Variants in GRHPR observed in about 807,000 individuals in gnomAD.
GRHPR encodes glyoxylate and hydroxypyruvate reductase.
GRHPR carries 35 observed loss-of-function variants against 36.8 expected under a neutral mutation model. That is an observed-to-expected ratio of 0.95 (90% CI 0.73 to 1.26). The LOEUF (loss-of-function observed/expected upper bound fraction) is 1.26, where lower values mean the gene tolerates loss of function less well. Ranked by LOEUF, GRHPR falls within the 50% of genes most tolerant of loss-of-function variation. GRHPR has a pLI of 0.00. For missense variants in GRHPR, 380 were observed against 435.0 expected, an observed-to-expected ratio of 0.87 and a Z score of 1.12; for synonymous variants, 179 against 181.0, an observed-to-expected ratio of 0.99 and a Z score of 0.09.
At chr9:37,423,497 AG>A (rs973967019) in intron 1 of GRHPR, among the ~76,000 whole-genome samples, 14 of 151,466 alleles carry the variant, frequency 9.2e-5, no homozygotes, top group African/African-American at 2.9e-4. Context: ...TTTTTAAGAC[AG>A]GGTCTCACTC....
intron 8 of GRHPR, chr9:37,434,320 G>C (rs1052856009): frequency 2.1e-6 from 1 of 468,244 alleles, no homozygotes. Context: ...ACATTAACTG[G>C]AACTGCCTGT....
intron 7 of GRHPR, chr9:37,431,122 G>C (rs1299652448): frequency 4.6e-6 from 2 of 439,310 alleles, no homozygotes; most frequent in African/African-American, 4.1e-5. Context: ...GTCCCTAGGG[G>C]TGCCTTCAGG....
chr9:37,436,909 TGATATA>T lies in GRHPR; in HGVS notation c.*128_*133del, dbSNP rs1823695016. 9.8e-7 allele frequency: 1 copy of T among 1,016,818 alleles called. No homozygotes were observed. Among genetic ancestry groups the T allele is most frequent in the African/African-American group, 1.6e-5 (1 of 63,578 alleles). 63.0% of individuals were successfully genotyped at this position (1,016,818 alleles called of 1,614,324 possible). On this transcript the variant is annotated 3_prime_UTR_variant, in exon 9 of 9. Coordinates refer to ENST00000318158, the MANE Select transcript of GRHPR (RefSeq NM_012203.2). ...TGATTCTCTGAGGAAAGAGTGATTC[TGATATA>T]TGTACTTGTCACATTGGTGTTGGAC... is the stretch of plus-strand genomic sequence containing the variant.
At chr9:37,428,830 C>T in intron 5 of GRHPR, 1 of 613,988 alleles carries the variant, frequency 1.6e-6, no homozygotes, top group African/African-American at 1.8e-5. Flanking sequence ...ATTCCGGCTC[C>T]ATAAAGAACA....
At chr9:37,437,545 GA>G (rs1413088123), downstream of GRHPR, among the ~76,000 whole-genome samples, 2 of 152,296 alleles carry the variant, frequency 1.3e-5, no homozygotes, top group Non-Finnish European at 2.9e-5. Flanking sequence ...GAAGAAATGA[GA>G]ACTAGGTAAG....
rs952446452 is a variant in GRHPR, at chr9:37,436,647, T to C, written c.866-14T>C. 67 of 1,613,526 alleles carry C rather than the reference T, an allele frequency of 4.2e-5. No individual in the cohort carries two copies. The highest frequency in any genetic ancestry group is 5.1e-5 in the Non-Finnish European group (60 of 1,179,894). On this transcript the variant is annotated splice_polypyrimidine_tract_variant and intron_variant, in intron 8 of 8. Coordinates refer to ENST00000318158, the MANE Select transcript of GRHPR (RefSeq NM_012203.2). The stretch of plus-strand genomic sequence containing the variant: ...CCCTTCTTATCTCCCTCTCTCTCTC[T>C]CTCTCCTTTCCAGTGATTCTGCCCC...
rs373622439 is a variant in GRHPR, at chr9:37,432,086, G to C, written c.813G>C (p.Thr271=). 2 of 1,613,954 alleles carry C rather than the reference G, an allele frequency of 1.2e-6. No individual in the cohort carries two copies. The highest frequency in any genetic ancestry group is 3.3e-5 in the Admixed American group (2 of 60,020). ...GKIAAAGLDV[T]SPEPLPTNHP... Reference sequence around the variant, plus strand: ...TTGCAGCTGCTGGACTGGATGTGACGAGCCCAGAACCACTGCCTACAAACC... The same window carrying C: ...TTGCAGCTGCTGGACTGGATGTGACCAGCCCAGAACCACTGCCTACAAACC... Residue 271 remains threonine, a synonymous_variant, in exon 8 of 9, where the codon ACG becomes ACC. Transcript: ENST00000318158.
In GRHPR at chr9:37,424,191, G is replaced by A. The variant is rs1367227211; in HGVS notation, c.84-654G>A. Among the ~76,000 whole-genome samples the A allele has an allele frequency of 4.6e-5, 7 of 152,346 alleles. No homozygotes were observed. The South Asian group carries it at 8.3e-4, about 18-fold the overall frequency. ...CGCGCCCATGGTAACAGTAGCTCAC[G>A]CTGTACCCTGCTCATGGGGAGGTGG... is the stretch of plus-strand genomic sequence containing the variant. On this transcript the variant is annotated intron_variant, in intron 1 of 8. Coordinates refer to ENST00000318158, the MANE Select transcript of GRHPR (RefSeq NM_012203.2).
At chr9:37,428,052 C>A (rs1823169452) in intron 4 of GRHPR, 1 of 309,582 alleles carries the variant, frequency 3.2e-6, no homozygotes, top group African/African-American at 2.2e-5. Context: ...TGGCTCAGGG[C>A]AGGCTCCATC....
At chr9:37,424,653 G>A (rs1822988570) in intron 1 of GRHPR, among the ~76,000 whole-genome samples, 192 bp from the exon 2 acceptor site, 1 of 152,210 alleles carries the variant, frequency 6.6e-6, no homozygotes, top group Non-Finnish European at 1.5e-5. Flanking sequence ...CTGCTGGGGG[G>A]CCCCTCAGCC....
chr9:37,426,381 A>T (rs1823075723), intron 3 of GRHPR, 157 bp from the exon 4 acceptor site: 1 of 737,152 alleles, frequency 1.4e-6, no homozygotes, highest in African/African-American at 1.7e-5. Flanking sequence ...TCTAAATAGG[A>T]ATGAGGACTG....
chr9:37,434,484 C>T, intron 8 of GRHPR: 1 of 553,242 alleles, frequency 1.8e-6, no homozygotes, highest in Non-Finnish European at 3.3e-6. Context: ...ATCTTTGTCC[C>T]CAAGAAGGTG....
At chr9:37,423,629 C>T (rs1217743461) in intron 1 of GRHPR, among the ~76,000 whole-genome samples, 1 of 152,064 alleles carries the variant, frequency 6.6e-6, no homozygotes, top group African/African-American at 2.4e-5. Flanking sequence ...CATGCACTAC[C>T]ATGCCTGGCT....
chr9:37,423,566 G>A (rs1235432751), intron 1 of GRHPR, among the ~76,000 whole-genome samples: 1 of 152,026 alleles, frequency 6.6e-6, no homozygotes, highest in Non-Finnish European at 1.5e-5. Flanking sequence ...CAACCTCCTG[G>A]ACTCAAGAGA....
intron 6 of GRHPR, chr9:37,430,296 TG>T: frequency 1.6e-6 from 1 of 632,894 alleles, no homozygotes; most frequent in Non-Finnish European, 2.9e-6. Flanking sequence ...CTGGGCACTT[TG>T]GGCCCTGAAG....
rs34302950 is a variant in GRHPR, at chr9:37,436,635, CCTCTCTCTCT to C, written c.866-18_866-9del. ...GCTGCTGAACCACCCTTCTTATCTC[CCTCTCTCTCT>C]CTCTCTCCTTTCCAGTGATTCTGCC... On this transcript the variant is annotated splice_polypyrimidine_tract_variant and intron_variant, in intron 8 of 8. Coordinates refer to ENST00000318158, the MANE Select transcript of GRHPR (RefSeq NM_012203.2). The C allele has an allele frequency of 2.0e-6, 3 of 1,525,036 alleles. No homozygotes were observed. The highest frequency in any genetic ancestry group is 2.7e-6 in the Non-Finnish European group (3 of 1,113,442). The allele number at this position is 1,525,036 out of a possible 1,614,324, so 94.5% of individuals were successfully genotyped here.
chr9:37,437,402 T>C (rs1433121124), downstream of GRHPR, among the ~76,000 whole-genome samples: 1 of 152,132 alleles, frequency 6.6e-6, no homozygotes, highest in Non-Finnish European at 1.5e-5. Context: ...CCTCATCTTC[T>C]CTGCCCAGAT....
Position 37,424,883 on chromosome 9 carries a change from C to T in GRHPR, c.122C>T (p.Pro41Leu), listed in dbSNP as rs763059780. Residue 41 changes from proline to leucine, a missense_variant, in exon 2 of 9, where the codon CCT (proline) becomes CTT (leucine). By Grantham distance (98) the Pro-to-Leu change is moderately conservative. Transcript: ENST00000318158. ...CAGTGGGACTCGGATGAGCCCATCC[C>T]TGCCAAGGAGCTAGAGCGAGGTGTG... Reference protein sequence around the residue: ...VEQWDSDEPIPAKELERGVAG... With the variant: ...VEQWDSDEPILAKELERGVAG... The T allele has an allele frequency of 9.3e-6, 15 of 1,613,682 alleles. No homozygotes were observed. The highest frequency in any genetic ancestry group is 1.2e-5 in the Non-Finnish European group (14 of 1,179,952).
chr9:37,430,116 G>A, intron 6 of GRHPR: 2 of 544,906 alleles, frequency 3.7e-6, no homozygotes, highest in Non-Finnish European at 6.6e-6. Context: ...AGCGGGGATG[G>A]TGGTGGGTGT....
Sources: gnomAD v4.1 joint callset for allele counts (sites outside exome capture counted in the v4.1 genomes callset) on GRCh38, gnomAD v4.1.1 for gene constraint, MANE v1.5 for transcripts, NCBI Gene and HGNC (gene_info 2026-07-23, HGNC 2026-07-21) for gene names.